SNTG1: variants seen among roughly 807,000 people sequenced by gnomAD.
SNTG1 encodes gamma-1-syntrophin.
In SNTG1, 39 loss-of-function variants were observed where a neutral mutation model predicts 74.7. The ratio of observed to expected loss-of-function variants is 0.52; its 90% CI spans 0.40 to 0.68. SNTG1 has a LOEUF of 0.68. Among genes scored for constraint, SNTG1 ranks in the 30% least tolerant of loss-of-function variants. The probability of loss-of-function intolerance (pLI) is 0.00; values close to 1 mark genes in which losing one functional copy is unlikely to be tolerated. For synonymous variants in SNTG1, 254 were observed against 217.1 expected (o/e 1.17, Z -1.49); for missense variants, 685 against 609.5 (o/e 1.12, Z -1.30).
chr8:50,493,829 A>G (rs1037444050), intron 8 of SNTG1, among the ~76,000 whole-genome samples: 1 of 151,606 alleles, frequency 6.6e-6, no homozygotes, highest in Non-Finnish European at 1.5e-5. Flanking sequence ...AAAAACAAAA[A>G]TAATAAAACC....
chr8:50,514,171 T>C (rs2094111565), intron 9 of SNTG1, among the ~76,000 whole-genome samples: 1 of 152,236 alleles, frequency 6.6e-6, no homozygotes, highest in Non-Finnish European at 1.5e-5. Context: ...ATTTGCTTAG[T>C]TGATTTTCTA....
chr8:50,451,086 A>G (rs2093452482), intron 8 of SNTG1, among the ~76,000 whole-genome samples: 1 of 152,200 alleles, frequency 6.6e-6, no homozygotes, highest in Non-Finnish European at 1.5e-5. Flanking sequence ...TGCCTGTAGA[A>G]TCTCACACAG....
chr8:50,484,028 T>C (rs563384707), intron 8 of SNTG1, among the ~76,000 whole-genome samples: 3 of 152,300 alleles, frequency 2.0e-5, no homozygotes, highest in Non-Finnish European at 4.4e-5. Flanking sequence ...AATATGTATA[T>C]ATGTATGAGG....
intron 12 of SNTG1, among the ~76,000 whole-genome samples, chr8:50,553,968 T>A (rs567111311): frequency 3.2e-4 from 48 of 152,270 alleles, no homozygotes; most frequent in African/African-American, 1.1e-3. Flanking sequence ...TTGAGGCATT[T>A]CAGAAGTCCT....
intron 2 of SNTG1, among the ~76,000 whole-genome samples, chr8:50,179,445 T>C (rs904687545): frequency 6.6e-6 from 1 of 152,104 alleles, no homozygotes; most frequent in Non-Finnish European, 1.5e-5. Flanking sequence ...ACATTAGTTA[T>C]TAAACTAAAA....
At chr8:50,629,353 T>C (rs1010712724) in intron 13 of SNTG1, among the ~76,000 whole-genome samples, 3 of 152,168 alleles carry the variant, frequency 2.0e-5, no homozygotes, top group Non-Finnish European at 2.9e-5. Flanking sequence ...CTTTATGTTG[T>C]AGTAAGTTTA....
At chr8:50,061,968 C>T (rs1216054060) in intron 1 of SNTG1, among the ~76,000 whole-genome samples, 1 of 152,010 alleles carries the variant, frequency 6.6e-6, no homozygotes, top group Non-Finnish European at 1.5e-5. Flanking sequence ...TGATTGTGTT[C>T]TTCACATCTT....
chr8:50,734,823 G>A (rs1240096979), intron 17 of SNTG1, among the ~76,000 whole-genome samples: 2 of 66,336 alleles, frequency 3.0e-5, no homozygotes, highest in Admixed American at 1.5e-4. Flanking sequence ...CTATATATAT[G>A]GACATATATA....
intron 15 of SNTG1, among the ~76,000 whole-genome samples, chr8:50,666,514 A>G (rs1326907599): frequency 6.6e-6 from 1 of 152,182 alleles, no homozygotes; most frequent in Admixed American, 6.6e-5. Flanking sequence ...TTGGTAGTTA[A>G]CAAACAGTTC....
At chr8:50,387,423 T>A (rs1302824462) in intron 2 of SNTG1, among the ~76,000 whole-genome samples, 1 of 152,122 alleles carries the variant, frequency 6.6e-6, no homozygotes, top group East Asian at 1.9e-4. Flanking sequence ...CCAGTACTCT[T>A]AAGTCATCTG....
chr8:50,074,206 T>C (rs1276707020), intron 1 of SNTG1, among the ~76,000 whole-genome samples: 1 of 152,170 alleles, frequency 6.6e-6, no homozygotes, highest in Non-Finnish European at 1.5e-5. Flanking sequence ...TTTTTCTCCA[T>C]CAGTACTTTT....
intron 10 of SNTG1, among the ~76,000 whole-genome samples, chr8:50,534,671 C>T (rs1445533686): frequency 6.6e-6 from 1 of 152,014 alleles, no homozygotes; most frequent in African/African-American, 2.4e-5. Context: ...GTCTCAGCTA[C>T]TTGGGAGGCT....
intron 18 of SNTG1, among the ~76,000 whole-genome samples, chr8:50,775,159 T>C (rs4628267): frequency 0.44 from 65,918 of 151,144 alleles, 16,629 homozygotes; most frequent in African/African-American, 0.7. Flanking sequence ...ATTAAATATT[T>C]CGACCAAAGG....
At chr8:50,590,572 C>G (rs1286161967) in intron 12 of SNTG1, among the ~76,000 whole-genome samples, 1 of 152,054 alleles carries the variant, frequency 6.6e-6, no homozygotes, top group Non-Finnish European at 1.5e-5. Context: ...AAGTTACACT[C>G]TGCATTCTTG....
intron 2 of SNTG1, among the ~76,000 whole-genome samples, chr8:50,333,861 A>G (rs537957619): frequency 1.3e-5 from 2 of 152,360 alleles, no homozygotes; most frequent in Admixed American, 6.5e-5. Context: ...GGTAATTCTT[A>G]GGACAAATGA....
At chr8:50,003,603 C>A (rs976222629) in intron 1 of SNTG1, among the ~76,000 whole-genome samples, 1 of 151,936 alleles carries the variant, frequency 6.6e-6, no homozygotes, top group Non-Finnish European at 1.5e-5. Context: ...GATTACAGTG[C>A]GAAATTTACT....
intron 1 of SNTG1, among the ~76,000 whole-genome samples, chr8:49,921,743 C>T (rs1806565284): frequency 6.6e-6 from 1 of 152,030 alleles, no homozygotes; most frequent in Non-Finnish European, 1.5e-5. Context: ...ACACATACTA[C>T]CTGGGAAGAC....
intron 2 of SNTG1, among the ~76,000 whole-genome samples, chr8:50,391,490 T>C (rs779237464): frequency 2.0e-5 from 3 of 152,164 alleles, no homozygotes; most frequent in African/African-American, 4.8e-5. Context: ...TTATTGAGGA[T>C]TTTTGCATCA....
chr8:49,934,546 A>G (rs1206643732), intron 1 of SNTG1, among the ~76,000 whole-genome samples: 1 of 152,186 alleles, frequency 6.6e-6, no homozygotes, highest in African/African-American at 2.4e-5. Flanking sequence ...GAGACCTCAG[A>G]GAGAAGGTGG....
Sources: gnomAD v4.1 joint callset for allele counts (sites outside exome capture counted in the v4.1 genomes callset) on GRCh38, gnomAD v4.1.1 for gene constraint, MANE v1.5 for transcripts, NCBI Gene and HGNC (gene_info 2026-07-23, HGNC 2026-07-21) for gene names.